The following DCDC2 variants were observed in gnomAD, a reference collection of about 807,000 sequenced individuals.
The protein encoded by DCDC2 is doublecortin domain containing 2.
Under a neutral mutation model 50.2 loss-of-function variants are expected in DCDC2, and 40 were observed. That is an observed-to-expected ratio of 0.80 (90% CI 0.62 to 1.04). DCDC2 has a LOEUF of 1.04. Ranked by LOEUF, DCDC2 falls within the 50% of genes least tolerant of loss-of-function variation. The pLI is 0.00. For synonymous variants in DCDC2, 234 were observed against 210.6 expected, an observed-to-expected ratio of 1.11 and a Z score of -0.96; for missense variants, 570 against 581.9, an observed-to-expected ratio of 0.98 and a Z score of 0.21.
chr6:24,301,575 C>A, intron 4 of DCDC2, 140 bp downstream of exon 4: 2 of 931,352 alleles, frequency 2.1e-6, no homozygotes, highest in South Asian at 1.7e-5. Flanking sequence ...TATCTCCATT[C>A]TACAGATAAA....
At chr6:24,231,615 G>T (rs771332003) in intron 7 of DCDC2, among the ~76,000 whole-genome samples, 1 of 151,942 alleles carries the variant, frequency 6.6e-6, no homozygotes, top group Non-Finnish European at 1.5e-5. Flanking sequence ...CAATACTTAG[G>T]AAACCTTTAT....
At chr6:24,244,591 T>C (rs927294266) in intron 7 of DCDC2, among the ~76,000 whole-genome samples, 5 of 152,220 alleles carry the variant, frequency 3.3e-5, no homozygotes, top group South Asian at 2.1e-4. Context: ...GAACATGCAG[T>C]TGGTCTCCAC....
chr6:24,322,218 A>G (rs1467495646), intron 2 of DCDC2, among the ~76,000 whole-genome samples: 4 of 152,124 alleles, frequency 2.6e-5, no homozygotes, highest in African/African-American at 9.7e-5. Flanking sequence ...TGCTCCCTGA[A>G]GATTAAGCTC....
intron 6 of DCDC2, among the ~76,000 whole-genome samples, chr6:24,286,061 T>C (rs1279310887): frequency 1.3e-5 from 2 of 152,166 alleles, no homozygotes; most frequent in African/African-American, 2.4e-5. Context: ...CTGATATTGT[T>C]TTCACCTCCT....
At chr6:24,358,332 C>CAA (rs1760522781), upstream of DCDC2, 1 of 171,918 alleles carries the variant, frequency 5.8e-6, no homozygotes, top group African/African-American at 2.4e-5. Flanking sequence ...TGTGCAAAGC[C>CAA]AGATGCGGTG....
intron 2 of DCDC2, among the ~76,000 whole-genome samples, chr6:24,322,653 C>T (rs79158238): frequency 8.1e-4 from 124 of 152,260 alleles, no homozygotes; most frequent in Middle Eastern, 3.4e-3. Context: ...TGTCTTTAAC[C>T]GGAACATTCT....
intron 7 of DCDC2, among the ~76,000 whole-genome samples, chr6:24,210,856 G>C (rs1333430738): frequency 6.6e-6 from 1 of 152,014 alleles, no homozygotes; most frequent in Admixed American, 6.5e-5. Flanking sequence ...ACTGCATTTC[G>C]TATCTTTTTC....
chr6:24,188,005 A>G (rs1761240605), intron 8 of DCDC2, among the ~76,000 whole-genome samples: 2 of 152,226 alleles, frequency 1.3e-5, no homozygotes, highest in South Asian at 4.1e-4. Flanking sequence ...GGATTGTAAT[A>G]ACTATTTTCC....
At chr6:24,305,702 C>T (rs1318518413) in intron 2 of DCDC2, among the ~76,000 whole-genome samples, 1 of 152,070 alleles carries the variant, frequency 6.6e-6, no homozygotes, top group East Asian at 1.9e-4. Flanking sequence ...TTCTTATTAG[C>T]CCATACACTT....
chr6:24,230,761 C>G (rs1329485419), intron 7 of DCDC2, among the ~76,000 whole-genome samples: 1 of 152,162 alleles, frequency 6.6e-6, no homozygotes, highest in African/African-American at 2.4e-5. Flanking sequence ...TAGAAGCAAA[C>G]ACAGAAAAAT....
At chr6:24,281,727 T>A (rs1229926815) in intron 6 of DCDC2, among the ~76,000 whole-genome samples, 1 of 152,110 alleles carries the variant, frequency 6.6e-6, no homozygotes, top group East Asian at 1.9e-4. Context: ...GTAACTCAAA[T>A]ACATAGATAG....
intron 2 of DCDC2, among the ~76,000 whole-genome samples, chr6:24,339,396 T>C (rs1299616138): frequency 1.3e-5 from 2 of 152,150 alleles, no homozygotes; most frequent in African/African-American, 4.8e-5. Context: ...GTCTGATATA[T>C]TCACCATTGC....
chr6:24,358,698 ATT>A (rs200898096), upstream of DCDC2, among the ~76,000 whole-genome samples: 1 of 88,670 alleles, frequency 1.1e-5, no homozygotes, highest in African/African-American at 4.6e-5. Context: ...TAAAATATAT[ATT>A]TTTTTTATAT....
At chr6:24,273,415 TC>T (rs1763282913) in intron 7 of DCDC2, among the ~76,000 whole-genome samples, 1 of 152,182 alleles carries the variant, frequency 6.6e-6, no homozygotes, top group Non-Finnish European at 1.5e-5. Context: ...TGCACTTGTA[TC>T]CCTTAAATTT....
At chr6:24,176,464 A>G (rs899852259) in intron 9 of DCDC2, among the ~76,000 whole-genome samples, 1 of 139,776 alleles carries the variant, frequency 7.2e-6, no homozygotes, top group African/African-American at 2.5e-5. Context: ...TCAAAAGCCT[A>G]TTTTTCCCCT....
chr6:24,259,495 G>A (rs988474079), intron 7 of DCDC2, among the ~76,000 whole-genome samples: 3 of 151,994 alleles, frequency 2.0e-5, no homozygotes, highest in Non-Finnish European at 4.4e-5. Flanking sequence ...AAACTAGCAC[G>A]GAAACATCAA....
At chr6:24,282,307 A>G (rs773855365) in intron 6 of DCDC2, among the ~76,000 whole-genome samples, 1 of 151,664 alleles carries the variant, frequency 6.6e-6, no homozygotes, top group Admixed American at 6.6e-5. Context: ...CAGTGGTGCT[A>G]TCTTGGCTCA....
chr6:24,252,313 T>C (rs928305800), intron 7 of DCDC2, among the ~76,000 whole-genome samples: 1 of 152,142 alleles, frequency 6.6e-6, no homozygotes, highest in African/African-American at 2.4e-5. Context: ...TCCAGCCAGA[T>C]CACAAGCCCC....
Position 24,211,280 on chromosome 6 carries a change from C to A in DCDC2, c.923-6178G>T, listed in dbSNP as rs144441086. 2.0e-3 allele frequency among the ~76,000 whole-genome samples: 305 copies of A among 152,278 alleles called. 1 individual carries two copies. Among genetic ancestry groups the A allele is most frequent in the African/African-American group, 6.6e-3 (275 of 41,560 alleles). On this transcript the variant is annotated intron_variant, in intron 7 of 9. Coordinates refer to ENST00000378454, the MANE Select transcript of DCDC2 (RefSeq NM_016356.5). ...AGGGTGTTGCCCCAATCTGGCTACA[C>A]TTGGCAGTATAGCATTTGGATGGAG... is the stretch of plus-strand genomic sequence containing the variant.
Sources: gnomAD v4.1 joint callset for allele counts (sites outside exome capture counted in the v4.1 genomes callset) on GRCh38, gnomAD v4.1.1 for gene constraint, MANE v1.5 for transcripts, NCBI Gene and HGNC (gene_info 2026-07-23, HGNC 2026-07-21) for gene names.